Variants in TACR3 observed in about 807,000 individuals in gnomAD.
TACR3 encodes neuromedin-K receptor.
TACR3 carries 34 observed loss-of-function variants against 35.0 expected under a neutral mutation model. The ratio of observed to expected loss-of-function variants is 0.97; its 90% confidence interval spans 0.74 to 1.30. The LOEUF (loss-of-function observed/expected upper bound fraction) is 1.30, where lower values mean the gene tolerates loss of function less well. Among genes scored for constraint, TACR3 ranks in the 50% most tolerant of loss-of-function variants. TACR3 has a pLI of 0.00. For synonymous variants in TACR3, 233 were observed against 221.1 expected, an observed-to-expected ratio of 1.05 and a Z score of -0.48; for missense variants, 558 against 591.7, an observed-to-expected ratio of 0.94 and a Z score of 0.59.
chr4:103,594,269 C>G (rs1382805303), intron 3 of TACR3, among the ~76,000 whole-genome samples: 4 of 151,972 alleles, frequency 2.6e-5, no homozygotes, highest in South Asian at 2.1e-4. Context: ...CCTCTGCCTC[C>G]CGGGTTCAAG....
intron 1 of TACR3, among the ~76,000 whole-genome samples, chr4:103,678,315 A>G (rs1726216923): frequency 6.6e-6 from 1 of 152,142 alleles, no homozygotes; most frequent in Admixed American, 6.6e-5. Context: ...TTAAATTTGC[A>G]AAGATGATGG....
chr4:103,687,026 C>A (rs1010394187), intron 1 of TACR3, among the ~76,000 whole-genome samples: 3 of 152,078 alleles, frequency 2.0e-5, no homozygotes. Context: ...AATCCAGCAG[C>A]ACATCAAAAA....
At chr4:103,678,072 A>C (rs933445444) in intron 1 of TACR3, among the ~76,000 whole-genome samples, 3 of 152,166 alleles carry the variant, frequency 2.0e-5, no homozygotes, top group Non-Finnish European at 4.4e-5. Flanking sequence ...CGTTTAAAAC[A>C]GTTTTGTTGA....
At chr4:103,626,793 T>C (rs955018095) in intron 3 of TACR3, among the ~76,000 whole-genome samples, 8 of 151,096 alleles carry the variant, frequency 5.3e-5, no homozygotes, top group Non-Finnish European at 1.0e-4. Flanking sequence ...GTATAATTTC[T>C]TTTTACTGAT....
chr4:103,645,490 A>G (rs940289951), intron 3 of TACR3, among the ~76,000 whole-genome samples: 2 of 151,930 alleles, frequency 1.3e-5, no homozygotes, highest in East Asian at 1.9e-4. Context: ...TGACATTTAT[A>G]TTTCTTGTTA....
At chr4:103,599,171 T>A (rs1357693424) in intron 3 of TACR3, among the ~76,000 whole-genome samples, 1 of 152,230 alleles carries the variant, frequency 6.6e-6, no homozygotes, top group Non-Finnish European at 1.5e-5. Flanking sequence ...CTCCTTCATA[T>A]CCCTTGTAAG....
chr4:103,670,852 T>G (rs1726043139), intron 1 of TACR3, among the ~76,000 whole-genome samples: 1 of 152,070 alleles, frequency 6.6e-6, no homozygotes, highest in South Asian at 2.1e-4. Flanking sequence ...AGTACTATGT[T>G]GAATAAAAAT....
chr4:103,668,361 T>C (rs948963881), intron 1 of TACR3, among the ~76,000 whole-genome samples: 5 of 152,148 alleles, frequency 3.3e-5, no homozygotes, highest in Non-Finnish European at 5.9e-5. Context: ...ACTGATAAAA[T>C]GCTAATGATC....
At chr4:103,620,820 G>GAT (rs1724758306) in intron 3 of TACR3, among the ~76,000 whole-genome samples, 1 of 152,230 alleles carries the variant, frequency 6.6e-6, no homozygotes, top group African/African-American at 2.4e-5. Context: ...TCATACTCCA[G>GAT]ACATCAACTT....
chr4:103,602,920 A>C (rs1043766537), intron 3 of TACR3, among the ~76,000 whole-genome samples: 3 of 152,252 alleles, frequency 2.0e-5, no homozygotes, highest in Non-Finnish European at 2.9e-5. Flanking sequence ...CAAAGCTGTC[A>C]GAGAGGGACA....
At chr4:103,640,238 A>G (rs1725323255) in intron 3 of TACR3, among the ~76,000 whole-genome samples, 1 of 152,114 alleles carries the variant, frequency 6.6e-6, no homozygotes, top group Admixed American at 6.5e-5. Flanking sequence ...CCATTATAAA[A>G]TATTGCAAAG....
chr4:103,668,502 G>A (rs1450178995), intron 1 of TACR3, among the ~76,000 whole-genome samples: 1 of 152,070 alleles, frequency 6.6e-6, no homozygotes, highest in Admixed American at 6.6e-5. Context: ...TGGTATGTAA[G>A]AATGCTTACT....
chr4:103,604,823 C>CTT (rs143724246), intron 3 of TACR3, among the ~76,000 whole-genome samples: 15 of 145,160 alleles, frequency 1.0e-4, no homozygotes, highest in African/African-American at 3.7e-4. Context: ...GATAATAATT[C>CTT]TTTTTTTTTT....
At chr4:103,614,230 T>C (rs1053878491) in intron 3 of TACR3, among the ~76,000 whole-genome samples, 2 of 152,218 alleles carry the variant, frequency 1.3e-5, no homozygotes, top group Non-Finnish European at 2.9e-5. Context: ...GAACAAGACA[T>C]TTAGTCTTTT....
rs571586111 is a variant in TACR3, at chr4:103,653,377, A to T, written c.888+2817T>A. On this transcript the variant is annotated intron_variant, in intron 3 of 4. Coordinates refer to ENST00000304883, the MANE Select transcript of TACR3 (RefSeq NM_001059.3). The stretch of plus-strand genomic sequence containing the variant: ...CTCTGAATTCAAAAACAAAAGAAAC[A>T]CTCAGATTAAATTTTTATTTCTTTC... Among the ~76,000 whole-genome samples the T allele has an allele frequency of 3.5e-4, 53 of 152,056 alleles. 1 individual carries two copies. The highest frequency in any genetic ancestry group is 2.5e-4 in the Non-Finnish European group (17 of 68,010).
intron 1 of TACR3, among the ~76,000 whole-genome samples, chr4:103,662,369 C>T (rs537553553): frequency 8.5e-5 from 13 of 152,068 alleles, no homozygotes; most frequent in Non-Finnish European, 1.8e-4. Flanking sequence ...TACAGATGCC[C>T]GCCACCACGC....
intron 1 of TACR3, among the ~76,000 whole-genome samples, chr4:103,697,965 G>A (rs1234137375): frequency 6.6e-6 from 1 of 152,144 alleles, no homozygotes; most frequent in Admixed American, 6.5e-5. Flanking sequence ...GGGATTGCCA[G>A]TAACTTCTTA....
intron 1 of TACR3, among the ~76,000 whole-genome samples, chr4:103,684,356 G>A (rs1449605742): frequency 1.3e-5 from 2 of 152,096 alleles, no homozygotes; most frequent in Admixed American, 6.6e-5. Flanking sequence ...TAATAAATGA[G>A]TTTGACAAGG....
At chr4:103,598,559 T>C (rs1273932352) in intron 3 of TACR3, among the ~76,000 whole-genome samples, 1 of 152,164 alleles carries the variant, frequency 6.6e-6, no homozygotes, top group African/African-American at 2.4e-5. Flanking sequence ...ATTGCCTATG[T>C]TTTCTTCTAG....
Sources: gnomAD v4.1 joint callset for allele counts (sites outside exome capture counted in the v4.1 genomes callset) on GRCh38, gnomAD v4.1.1 for gene constraint, MANE v1.5 for transcripts, NCBI Gene and HGNC (gene_info 2026-07-23, HGNC 2026-07-21) for gene names.